ATP8A2: variants seen among roughly 807,000 people sequenced by gnomAD.
ATP8A2 encodes phospholipid-transporting ATPase IB.
ATP8A2 carries 100 observed loss-of-function variants against 165.6 expected under a neutral mutation model. That is an observed-to-expected ratio of 0.60 (90% confidence interval 0.51 to 0.71). The LOEUF (loss-of-function observed/expected upper bound fraction) is 0.71. ATP8A2 is among the 30% of genes least tolerant of loss of function. ATP8A2 has a pLI of 0.00. For missense variants in ATP8A2, 1,227 were observed against 1,479.5 expected (o/e 0.83, Z 2.80); for synonymous variants, 543 against 548.8 (o/e 0.99, Z 0.15).
At chr13:25,599,271 T>G (rs573061657) in intron 24 of ATP8A2, among the ~76,000 whole-genome samples, 23 of 152,328 alleles carry the variant, frequency 1.5e-4, no homozygotes, top group African/African-American at 5.5e-4. Flanking sequence ...CCCAGCATTC[T>G]CTAACATTCT....
intron 10 of ATP8A2, among the ~76,000 whole-genome samples, chr13:25,549,459 CAAA>C (rs371766419): frequency 3.3e-5 from 2 of 61,400 alleles, no homozygotes; most frequent in Non-Finnish European, 3.5e-5. Context: ...GACTCTGTCT[CAAA>C]AAAAAAAAAA....
At chr13:25,533,434 T>G (rs1048510972) in intron 6 of ATP8A2, 121 bp downstream of exon 6, 10 of 576,726 alleles carry the variant, frequency 1.7e-5, no homozygotes, top group Non-Finnish European at 2.8e-5. Flanking sequence ...TGAGGTCTGC[T>G]GAGACCTGAT....
At chr13:25,396,476 G>A (rs1015504671) in intron 1 of ATP8A2, among the ~76,000 whole-genome samples, 1 of 152,092 alleles carries the variant, frequency 6.6e-6, no homozygotes, top group African/African-American at 2.4e-5. Context: ...AGACAATAGG[G>A]CAAAAGAAGG....
chr13:25,573,204 C>T (rs533322939), intron 18 of ATP8A2, among the ~76,000 whole-genome samples: 2 of 152,178 alleles, frequency 1.3e-5, no homozygotes, highest in East Asian at 1.9e-4. Flanking sequence ...TGGGTGCCAC[C>T]GCATGTCTCT....
intron 33 of ATP8A2, among the ~76,000 whole-genome samples, chr13:25,911,698 A>G (rs1394048551): frequency 1.3e-5 from 2 of 152,170 alleles, no homozygotes; most frequent in Non-Finnish European, 2.9e-5. Flanking sequence ...AGGAAAACAC[A>G]AGGTTTATTT....
Position 25,742,403 on chromosome 13 carries a change from A to G in ATP8A2, c.2385-26643A>G, listed in dbSNP as rs536088913. Among the ~76,000 whole-genome samples, 5 of 152,108 alleles carry G rather than the reference A, an allele frequency of 3.3e-5. No homozygotes were observed. The South Asian group carries it at 8.3e-4, about 25-fold the overall frequency. On this transcript the variant is annotated intron_variant, in intron 25 of 36. Coordinates refer to ENST00000381655, the MANE Select transcript of ATP8A2 (RefSeq NM_016529.6). ...TAAATTCTTAATGTAGGCAAAGACCATGTGTCTCAGACAACAAATGAGGGG... is the reference window on the plus strand; with the variant it reads ...TAAATTCTTAATGTAGGCAAAGACCGTGTGTCTCAGACAACAAATGAGGGG...
At chr13:25,520,397 C>T (rs1191945470) in intron 2 of ATP8A2, among the ~76,000 whole-genome samples, 1 of 152,072 alleles carries the variant, frequency 6.6e-6, no homozygotes, top group Non-Finnish European at 1.5e-5. Flanking sequence ...GTATATATGC[C>T]ACATTTTCTT....
At chr13:25,701,799 A>C (rs536741287) in intron 25 of ATP8A2, among the ~76,000 whole-genome samples, 1 of 151,594 alleles carries the variant, frequency 6.6e-6, no homozygotes, top group Admixed American at 6.6e-5. Context: ...ACTGCTTCAC[A>C]GTGCTTTGTG....
At chr13:25,528,455 T>A (rs567964876) in intron 2 of ATP8A2, among the ~76,000 whole-genome samples, 2 of 152,296 alleles carry the variant, frequency 1.3e-5, no homozygotes, top group African/African-American at 4.8e-5. Flanking sequence ...CTATTGGCAG[T>A]GGGACTATTT....
At chr13:25,545,168 G>A (rs1486491885) in intron 10 of ATP8A2, among the ~76,000 whole-genome samples, 1 of 151,964 alleles carries the variant, frequency 6.6e-6, no homozygotes, top group African/African-American at 2.4e-5. Flanking sequence ...GCAGTGGCCT[G>A]TTGCAGAGCT....
intron 28 of ATP8A2, among the ~76,000 whole-genome samples, chr13:25,834,937 T>C (rs549897410): frequency 2.0e-5 from 3 of 152,062 alleles, no homozygotes; most frequent in African/African-American, 4.8e-5. Flanking sequence ...AGGAGCTACA[T>C]GACTGGCCAG....
At chr13:25,495,617 T>C (rs1374567524) in intron 2 of ATP8A2, among the ~76,000 whole-genome samples, 4 of 140,334 alleles carry the variant, frequency 2.9e-5, no homozygotes, top group Non-Finnish European at 6.1e-5. Context: ...GCACCATGCA[T>C]GCCTTGCTTT....
At position 25,847,130 on chromosome 13, in the gene ATP8A2, T is replaced by A. The variant is rs138082649; in HGVS notation, c.2956+7506T>A. Reference sequence around the variant, plus strand: ...GGGAAGACCTGCAGGGAGGACAGAGTGTGGTGGAAGTTCATAAAATCCTGA... The same window carrying A: ...GGGAAGACCTGCAGGGAGGACAGAGAGTGGTGGAAGTTCATAAAATCCTGA... On this transcript the variant is annotated intron_variant, in intron 30 of 36. Coordinates refer to ENST00000381655, the MANE Select transcript of ATP8A2 (RefSeq NM_016529.6). 3.3e-5 allele frequency among the ~76,000 whole-genome samples: 5 copies of A among 152,168 alleles called. No homozygotes were observed. The East Asian group carries it at 9.7e-4, about 29-fold the overall frequency.
chr13:25,710,621 C>T (rs1342643169), intron 25 of ATP8A2, among the ~76,000 whole-genome samples: 2 of 152,172 alleles, frequency 1.3e-5, no homozygotes, highest in Non-Finnish European at 2.9e-5. Flanking sequence ...TTCACTGTGA[C>T]CCAACTTGAG....
chr13:25,383,917 T>C (rs563192440), intron 1 of ATP8A2, among the ~76,000 whole-genome samples: 2 of 152,332 alleles, frequency 1.3e-5, no homozygotes, highest in South Asian at 4.1e-4. Context: ...TTTCTCTGGA[T>C]AACAGGTATG....
chr13:25,710,865 G>A (rs997734878), intron 25 of ATP8A2, among the ~76,000 whole-genome samples: 4 of 127,520 alleles, frequency 3.1e-5, no homozygotes, highest in South Asian at 2.3e-4. Flanking sequence ...TCAAGCTATC[G>A]TGATGTCCAG....
chr13:25,812,716 A>G (rs181301965), intron 27 of ATP8A2, among the ~76,000 whole-genome samples: 2 of 152,152 alleles, frequency 1.3e-5, no homozygotes, highest in East Asian at 3.9e-4. Context: ...TGGTAAAACT[A>G]TATGTGTCAA....
chr13:25,702,250 A>G (rs1401534569), intron 25 of ATP8A2, among the ~76,000 whole-genome samples: 2 of 152,324 alleles, frequency 1.3e-5, no homozygotes, highest in East Asian at 1.9e-4. Flanking sequence ...GCATGTTCCT[A>G]TCAATATTGA....
intron 16 of ATP8A2, among the ~76,000 whole-genome samples, chr13:25,569,622 T>C (rs2039409756): frequency 6.6e-6 from 1 of 152,198 alleles, no homozygotes; most frequent in South Asian, 2.1e-4. Flanking sequence ...CAGGTGAACA[T>C]TGAAAGTTTA....
Sources: gnomAD v4.1 joint callset for allele counts (sites outside exome capture counted in the v4.1 genomes callset) on GRCh38, gnomAD v4.1.1 for gene constraint, MANE v1.5 for transcripts, NCBI Gene and HGNC (gene_info 2026-07-23, HGNC 2026-07-21) for gene names.